COL19A1: variants seen among roughly 807,000 people sequenced by gnomAD.
The protein encoded by COL19A1 is collagen alpha-1(XIX) chain.
Under a neutral mutation model 190.2 loss-of-function variants are expected in COL19A1, and 159 were observed. That is an observed-to-expected ratio of 0.84 (90% CI 0.73 to 0.95). COL19A1 has a LOEUF of 0.95. COL19A1 is among the 40% of genes least tolerant of loss of function. COL19A1 has a pLI of 0.00. For missense variants in COL19A1, 1,418 were observed against 1,431.9 expected (o/e 0.99, Z 0.16); for synonymous variants, 509 against 458.9 (o/e 1.11, Z -1.39).
At chr6:69,908,484 T>C (rs1770702739) in intron 4 of COL19A1, among the ~76,000 whole-genome samples, 2 of 152,188 alleles carry the variant, frequency 1.3e-5, no homozygotes, top group South Asian at 4.1e-4. Flanking sequence ...GAATCTGAGG[T>C]TAGTCATTAA....
chr6:70,106,493 T>C (rs1251883941), intron 16 of COL19A1, among the ~76,000 whole-genome samples: 2 of 152,214 alleles, frequency 1.3e-5, no homozygotes, highest in Admixed American at 6.5e-5. Flanking sequence ...CAGTGTTTCA[T>C]GGAAAGTCAT....
chr6:69,870,079 C>G (rs998881207), intron 1 of COL19A1, among the ~76,000 whole-genome samples: 1 of 152,106 alleles, frequency 6.6e-6, no homozygotes, highest in Non-Finnish European at 1.5e-5. Flanking sequence ...TCATTCTTTT[C>G]TTTATGCCCA....
Position 69,932,411 on chromosome 6 carries a change from A to C in COL19A1, c.667-372A>C, listed in dbSNP as rs543996984. Among the ~76,000 whole-genome samples the C allele has an allele frequency of 3.4e-4, 50 of 148,060 alleles. 1 individual carries two copies. In the South Asian group the frequency reaches 1.0e-2, roughly 29 times the overall value. Reference sequence around the variant, plus strand: ...ATCATGTGCTCATATCTTTGATTTTACCTTTTCTCCAATTTTTTTTTTATT... The same window carrying C: ...ATCATGTGCTCATATCTTTGATTTTCCCTTTTCTCCAATTTTTTTTTTATT... On this transcript the variant is annotated intron_variant, in intron 6 of 50. Transcript: ENST00000620364.
chr6:70,144,928 G>A lies in COL19A1; in HGVS notation c.1691G>A (p.Gly564Asp). ...QGIKGEKGDP[G>D]GIIGPPGLPG... is the part of the protein sequence containing the mutation. ...CCTTGTTTTCTACAGGGAGATCCGG[G>A]TGGGATCATAGGCCCTCCCGGGCTT... is the stretch of plus-strand genomic sequence containing the variant. Residue 564 changes from glycine (G) to aspartate (D), a missense_variant, in exon 25 of 51, where the codon GGT becomes GAT. By Grantham distance (94) the Gly-to-Asp change is moderately conservative. Coordinates refer to ENST00000620364, the MANE Select transcript of COL19A1 (RefSeq NM_001858.6). 6.3e-7 allele frequency: 1 copy of A among 1,577,954 alleles called. No homozygotes were observed. Among genetic ancestry groups the A allele is most frequent in the Non-Finnish European group, 8.6e-7 (1 of 1,159,376 alleles).
chr6:70,088,488 C>T (rs1782718213), intron 15 of COL19A1, among the ~76,000 whole-genome samples: 1 of 152,030 alleles, frequency 6.6e-6, no homozygotes, highest in Non-Finnish European at 1.5e-5. Context: ...ATATAATATA[C>T]ACCCTTCTAA....
At position 70,131,095 on chromosome 6, in the gene COL19A1, A is replaced by G. The variant is rs116924309; in HGVS notation, c.1383+872A>G. ...GTAAAGATGACAGATTCACTTCCCC[A>G]TTCAATAAGATGTTTCACTCCTGTT... On this transcript the variant is annotated intron_variant, in intron 18 of 50. Coordinates refer to ENST00000620364, the MANE Select transcript of COL19A1 (RefSeq NM_001858.6). 2,223 of 457,516 alleles carry G rather than the reference A, an allele frequency of 4.9e-3. 35 individuals carry two copies. The highest frequency in any genetic ancestry group is 0.02 in the South Asian group (1,229 of 61,862). 28.3% of individuals were successfully genotyped at this position (457,516 alleles called of 1,614,324 possible). A position where few individuals can be genotyped will look rare whatever the true frequency, so the allele number is the denominator to read the frequency against.
At chr6:69,879,423 A>T (rs1359066939) in intron 1 of COL19A1, 113 bp from the exon 2 acceptor site, 2 of 624,596 alleles carry the variant, frequency 3.2e-6, no homozygotes, top group South Asian at 2.0e-5. Flanking sequence ...TTCCTGTTAT[A>T]TGATGATATA....
At chr6:70,117,757 C>G (rs16868569) in intron 16 of COL19A1, among the ~76,000 whole-genome samples, 2,613 of 152,278 alleles carry the variant, frequency 0.017, 72 homozygotes, top group African/African-American at 0.059. Context: ...CCTATATCTC[C>G]CAATCCCATA....
chr6:69,883,860 A>T (rs905109701), intron 2 of COL19A1, among the ~76,000 whole-genome samples: 1 of 152,202 alleles, frequency 6.6e-6, no homozygotes, highest in Non-Finnish European at 1.5e-5. Flanking sequence ...CAGTTGAAAA[A>T]ACAAAACATT....
chr6:69,883,382 T>C (rs1413927540), intron 2 of COL19A1, among the ~76,000 whole-genome samples: 1 of 152,200 alleles, frequency 6.6e-6, no homozygotes, highest in Admixed American at 6.5e-5. Context: ...ACCTTTGCCA[T>C]GTAGGACCCT....
chr6:69,998,415 T>TGGGC (rs1352271445), intron 11 of COL19A1, among the ~76,000 whole-genome samples: 1 of 151,804 alleles, frequency 6.6e-6, no homozygotes, highest in East Asian at 1.9e-4. Flanking sequence ...GAGGCCAAGG[T>TGGGC]GGGCGGATCA....
chr6:70,145,338 G>A (rs532495950), intron 25 of COL19A1, among the ~76,000 whole-genome samples: 1 of 152,234 alleles, frequency 6.6e-6, no homozygotes, highest in East Asian at 1.9e-4. Context: ...GGAATACTAT[G>A]CAGCCATAAA....
At chr6:70,094,580 A>G (rs1048358959) in intron 15 of COL19A1, among the ~76,000 whole-genome samples, 4 of 152,166 alleles carry the variant, frequency 2.6e-5, no homozygotes, top group African/African-American at 9.7e-5. Context: ...CTCATCAACA[A>G]TAAAAACCAT....
At chr6:70,206,441 CA>C (rs1767853240) in intron 49 of COL19A1, among the ~76,000 whole-genome samples, 1 of 151,910 alleles carries the variant, frequency 6.6e-6, no homozygotes, top group Admixed American at 6.6e-5. Context: ...CTAGCCTGGC[CA>C]ACATGGCAAA....
At chr6:69,903,012 C>T (rs532940621) in intron 4 of COL19A1, among the ~76,000 whole-genome samples, 1 of 152,262 alleles carries the variant, frequency 6.6e-6, no homozygotes, top group East Asian at 1.9e-4. Flanking sequence ...GGCCACATGG[C>T]CTGGCCCTAC....
chr6:70,037,731 C>T (rs532256249), intron 14 of COL19A1, among the ~76,000 whole-genome samples: 1 of 152,276 alleles, frequency 6.6e-6, no homozygotes, highest in Admixed American at 6.5e-5. Context: ...ACAATTTTGG[C>T]TTCTCAATCA....
chr6:70,051,550 C>T (rs1308205005), intron 14 of COL19A1, among the ~76,000 whole-genome samples: 3 of 152,114 alleles, frequency 2.0e-5, no homozygotes, highest in Admixed American at 1.3e-4. Context: ...GGATTGCAGG[C>T]AAACTTGCCC....
At chr6:69,919,304 A>G (rs936489376) in intron 4 of COL19A1, among the ~76,000 whole-genome samples, 7 of 152,228 alleles carry the variant, frequency 4.6e-5, no homozygotes, top group African/African-American at 9.6e-5. Flanking sequence ...TAATATTAAC[A>G]GAGCTTGTGT....
intron 14 of COL19A1, among the ~76,000 whole-genome samples, chr6:70,052,878 G>A (rs746942510): frequency 8.5e-5 from 13 of 152,132 alleles, no homozygotes; most frequent in Non-Finnish European, 1.8e-4. Context: ...TATTTACCAT[G>A]TTATCTTTAG....
Sources: allele counts gnomAD v4.1 joint callset (sites outside exome capture counted in the v4.1 genomes callset), GRCh38; gene constraint gnomAD v4.1.1; transcripts MANE v1.5; gene names NCBI Gene and HGNC (gene_info 2026-07-23, HGNC 2026-07-21).